Variants in ELMOD2 observed in about 807,000 individuals in gnomAD.
ELMOD2 encodes the protein ELMO domain-containing protein 2.
Under a neutral mutation model 41.0 loss-of-function variants are expected in ELMOD2, and 28 were observed. The observed-to-expected ratio is 0.68, with a 90% CI of 0.51 to 0.94. The LOEUF is 0.94. ELMOD2 is among the 40% of genes least tolerant of loss of function. The pLI, the probability that ELMOD2 is intolerant of heterozygous loss-of-function variation, is 0.00. For missense variants in ELMOD2, 333 were observed against 343.1 expected, an observed-to-expected ratio of 0.97 and a Z score of 0.23; for synonymous variants, 106 against 107.2, an observed-to-expected ratio of 0.99 and a Z score of 0.07.
chr4:140,553,712 G>A lies in ELMOD2; in HGVS notation c.*3337G>A, dbSNP rs1348050071. 2.6e-5 allele frequency: 4 copies of A among 152,062 alleles called. No individual in the cohort carries two copies. The highest frequency in any genetic ancestry group is 9.7e-5 in the African/African-American group (4 of 41,424). The allele number at this position is 152,062 out of a possible 1,614,324, so 9.4% of individuals were successfully genotyped here. On this transcript the variant is annotated 3_prime_UTR_variant, in exon 9 of 9. Coordinates refer to ENST00000323570, the MANE Select transcript of ELMOD2 (RefSeq NM_153702.4). ...TGACTTCTTAAGTAAAAGCAATAGT[G>A]TAAAATGTCATTTTGTTTGGAATGT...
chr4:140,535,137 T>TCTCTCTCTCTC lies in ELMOD2; in HGVS notation c.172-596_172-595insCTCTCTCTCTC, dbSNP rs1560827004. Among the ~76,000 whole-genome samples, 153 of 141,506 alleles carry TCTCTCTCTCTC rather than the reference T, an allele frequency of 1.1e-3. 1 individual carries two copies. The highest frequency in any genetic ancestry group is 1.6e-3 in the East Asian group (8 of 4,900). The allele number at this position is 141,506 out of a possible 152,430, so 92.8% of individuals were successfully genotyped here. On this transcript the variant is annotated intron_variant, in intron 3 of 8. Coordinates refer to ENST00000323570, the MANE Select transcript of ELMOD2 (RefSeq NM_153702.4). Reference sequence around the variant, plus strand: ...CTTTTCTCTGGGGAAATCTGTTTCTTTCTCTCTCTCTCTCTCTCTCTCTCT... The same window carrying TCTCTCTCTCTC: ...CTTTTCTCTGGGGAAATCTGTTTCTTCTCTCTCTCTCTCTCTCTCTCTCTCTCTCTCTCTCT...
Position 140,551,906 on chromosome 4 carries a change from AAG to A in ELMOD2, c.*1533_*1534del, listed in dbSNP as rs1212333002. 2 of 152,238 alleles carry A rather than the reference AAG, an allele frequency of 1.3e-5. No individual in the cohort carries two copies. Among genetic ancestry groups the A allele is most frequent in the South Asian group, 2.1e-4 (1 of 4,826 alleles). 9.4% of individuals were successfully genotyped at this position (152,238 alleles called of 1,614,324 possible). On this transcript the variant is annotated 3_prime_UTR_variant, in exon 9 of 9. Transcript: ENST00000323570. ...CTTGCGTTAAAATTAGTTTCTCAATAAGATAAAATTATTTTAAAAATTTGGTT... is the reference window on the plus strand; with the variant it reads ...CTTGCGTTAAAATTAGTTTCTCAATAATAAAATTATTTTAAAAATTTGGTT...
At chr4:140,535,425 A>G (rs529492433) in intron 3 of ELMOD2, 1 of 186,414 alleles carries the variant, frequency 5.4e-6, no homozygotes, top group Non-Finnish European at 1.1e-5. Context: ...TTTATTATGT[A>G]ATTAAAATAT....
chr4:140,526,086 GCTAGT>G (rs1442485456), intron 2 of ELMOD2, among the ~76,000 whole-genome samples: 16 of 152,174 alleles, frequency 1.1e-4, no homozygotes, highest in Admixed American at 9.8e-4. Flanking sequence ...TTGAAATGTG[GCTAGT>G]CTAAATTGAG....
Position 140,550,480 on chromosome 4 carries a change from C to T in ELMOD2, c.*105C>T. 8.5e-7 allele frequency: 1 copy of T among 1,170,014 alleles called. No homozygotes were observed. The highest frequency in any genetic ancestry group is 1.2e-6 in the Non-Finnish European group (1 of 864,874). 72.5% of individuals were successfully genotyped at this position (1,170,014 alleles called of 1,614,324 possible). On this transcript the variant is annotated 3_prime_UTR_variant, in exon 9 of 9. Transcript: ENST00000323570. ...CAATTACACTCTTATATATAATTTCCTACAAAAATATTTCAGAAATTCTAT... is the reference window on the plus strand; with the variant it reads ...CAATTACACTCTTATATATAATTTCTTACAAAAATATTTCAGAAATTCTAT...
chr4:140,525,920 T>G (rs1734548562), intron 2 of ELMOD2, among the ~76,000 whole-genome samples: 1 of 152,334 alleles, frequency 6.6e-6, no homozygotes, highest in Admixed American at 6.5e-5. Context: ...TCAGTCTACA[T>G]CCATTTTTAT....
At chr4:140,532,966 A>G (rs1734798186) in intron 3 of ELMOD2, among the ~76,000 whole-genome samples, 1 of 152,204 alleles carries the variant, frequency 6.6e-6, no homozygotes, top group Non-Finnish European at 1.5e-5. Context: ...ACTTTTGGAA[A>G]ATAAAGAACA....
Position 140,534,730 on chromosome 4 carries a change from C to T in ELMOD2, c.172-1003C>T, listed in dbSNP as rs17006086. Among the ~76,000 whole-genome samples, 860 of 152,114 alleles carry T rather than the reference C, an allele frequency of 5.7e-3. 3 individuals are homozygous for T. Among genetic ancestry groups the T allele is most frequent in the African/African-American group, 0.018 (748 of 41,466 alleles). ...GTAATCAGTAATGTGCTATCCTAGA[C>T]GCTCAAGATATAAGAGTAAATAAGA... On this transcript the variant is annotated intron_variant, in intron 3 of 8. Transcript: ENST00000323570.
At chr4:140,524,801 C>A (rs1285441638) in intron 1 of ELMOD2, 2 of 251,890 alleles carry the variant, frequency 7.9e-6, no homozygotes, top group Non-Finnish European at 1.3e-5. Flanking sequence ...ATAGTTGTAT[C>A]GAGTGTGTAC....
intron 3 of ELMOD2, among the ~76,000 whole-genome samples, chr4:140,531,059 A>G (rs1033146414): frequency 1.3e-5 from 2 of 152,180 alleles, no homozygotes; most frequent in Non-Finnish European, 2.9e-5. Context: ...AGTGGTTACT[A>G]ATAATATTAA....
intron 3 of ELMOD2, chr4:140,527,794 G>C (rs548952260): frequency 2.2e-5 from 7 of 312,590 alleles, no homozygotes; most frequent in Middle Eastern, 9.1e-4. Flanking sequence ...CTTTTAGACT[G>C]TGTCCTCAGG....
intron 8 of ELMOD2, among the ~76,000 whole-genome samples, chr4:140,544,011 C>T (rs1285523886): frequency 6.6e-6 from 1 of 151,992 alleles, no homozygotes; most frequent in Non-Finnish European, 1.5e-5. Context: ...ATTTCAAGGC[C>T]AAATTTTCTT....
intron 6 of ELMOD2, 39 bp from the exon 7 acceptor site, chr4:140,542,535 G>T: frequency 6.9e-7 from 1 of 1,447,538 alleles, no homozygotes; most frequent in Non-Finnish European, 9.6e-7. Flanking sequence ...ACATTTGAAT[G>T]GCGTACATTT....
At chr4:140,535,260 C>T (rs535561658) in intron 3 of ELMOD2, among the ~76,000 whole-genome samples, 15 of 150,758 alleles carry the variant, frequency 9.9e-5, no homozygotes, top group Admixed American at 6.6e-4. Context: ...GTGAACTGTT[C>T]TTCAGTATGC....
chr4:140,534,135 G>A (rs1177769954), intron 3 of ELMOD2, among the ~76,000 whole-genome samples: 1 of 152,068 alleles, frequency 6.6e-6, no homozygotes, highest in East Asian at 1.9e-4. Context: ...CCCAAACTGG[G>A]AACAATGCAA....
intron 4 of ELMOD2, among the ~76,000 whole-genome samples, chr4:140,537,045 GC>G (rs1734951456): frequency 6.6e-6 from 1 of 152,142 alleles, no homozygotes; most frequent in Admixed American, 6.5e-5. Context: ...TTTATTTAGA[GC>G]TGAGATAACC....
At chr4:140,531,025 AT>A (rs749651336) in intron 3 of ELMOD2, among the ~76,000 whole-genome samples, 8 of 152,150 alleles carry the variant, frequency 5.3e-5, no homozygotes, top group Non-Finnish European at 1.0e-4. Context: ...AGAATGCCCA[AT>A]ACTTAGTAAG....
Position 140,537,424 on chromosome 4 carries a change from C to G in ELMOD2, c.282C>G (p.Cys94Trp), listed in dbSNP as rs556846456. The G allele has an allele frequency of 5.2e-6, 8 of 1,525,540 alleles. No homozygotes were observed. In the East Asian group the frequency reaches 1.5e-4, roughly 29 times the overall value. 94.5% of individuals were successfully genotyped at this position (1,525,540 alleles called of 1,614,324 possible). ...TTATCATTTTTAGTTTTAAAATATG[C>G]ATGAAGATGTGCTTACTGCAGATAA... ...NPEKDASFKICMKMCLLQITG... is the reference protein window; with the variant it reads ...NPEKDASFKIWMKMCLLQITG... The change falls in exon 5 of 9, where the codon TGC becomes TGG. Residue 94 changes from cysteine (C) to tryptophan (W), a missense_variant. Cys to Trp is a radical substitution (Grantham distance 215, BLOSUM62 -2). Coordinates refer to ENST00000323570, the MANE Select transcript of ELMOD2 (RefSeq NM_153702.4).
At chr4:140,542,142 T>C (rs1385181379) in intron 6 of ELMOD2, among the ~76,000 whole-genome samples, 1 of 151,966 alleles carries the variant, frequency 6.6e-6, no homozygotes, top group Non-Finnish European at 1.5e-5. Flanking sequence ...GATTGTTGAC[T>C]CCCTTCTGAT....
Sources: allele counts gnomAD v4.1 joint callset (sites outside exome capture counted in the v4.1 genomes callset), GRCh38; gene constraint gnomAD v4.1.1; transcripts MANE v1.5; gene names NCBI Gene and HGNC (gene_info 2026-07-23, HGNC 2026-07-21).